FTO: variants seen among roughly 807,000 people sequenced by gnomAD.
FTO encodes FTO alpha-ketoglutarate dependent dioxygenase.
Under a neutral mutation model 63.9 loss-of-function variants are expected in FTO, and 47 were observed. The ratio of observed to expected loss-of-function variants is 0.74; its 90% CI spans 0.58 to 0.94. The LOEUF (loss-of-function observed/expected upper bound fraction) is 0.94, where lower values mean the gene tolerates loss of function less well. FTO is among the 40% of genes least tolerant of loss of function. The pLI is 0.00. For synonymous variants in FTO, 207 were observed against 224.4 expected (o/e 0.92, Z 0.69); for missense variants, 562 against 618.1 (o/e 0.91, Z 0.96).
At position 53,869,534 on chromosome 16, in the gene FTO, T is replaced by C. The variant is rs1360261562; in HGVS notation, c.896-4252T>C. Among the ~76,000 whole-genome samples the C allele has an allele frequency of 2.2e-5, 3 of 139,200 alleles. No homozygotes were observed. In the Admixed American group the frequency reaches 2.3e-4, roughly 11 times the overall value. 91.3% of individuals were successfully genotyped at this position (139,200 alleles called of 152,430 possible). A position where few individuals can be genotyped will look rare whatever the true frequency, so the allele number is the denominator to read the frequency against. ...TATTACACCTATTGCAGTTGTCCCATAGTTCTGTTTTTTTTTTTTTTTCAG... is the reference window on the plus strand; with the variant it reads ...TATTACACCTATTGCAGTTGTCCCACAGTTCTGTTTTTTTTTTTTTTTCAG... On this transcript the variant is annotated intron_variant, in intron 4 of 8. Coordinates refer to ENST00000471389, the MANE Select transcript of FTO (RefSeq NM_001080432.3).
At chr16:53,790,579 C>CAAAAAAAAAAAAAAAAAAAAAAAA (rs34860208) in intron 1 of FTO, among the ~76,000 whole-genome samples, 1 of 55,224 alleles carries the variant, frequency 1.8e-5, no homozygotes, top group Admixed American at 2.3e-4. Context: ...CAAAATAAAG[C>CAAAAAAAAAAAAAAAAAAAAAAAA]AAAAAAAAAA....
chr16:53,879,829 G>A lies in FTO; in HGVS notation c.976-15G>A. On this transcript the variant is annotated splice_polypyrimidine_tract_variant and intron_variant, in intron 5 of 8. Coordinates refer to ENST00000471389, the MANE Select transcript of FTO (RefSeq NM_001080432.3). Reference sequence around the variant, plus strand: ...ATTTTGCCCATAATTGTGATTGCTGGTTCTGTCTCAACAGTGCTCAACAGG... The same window carrying A: ...ATTTTGCCCATAATTGTGATTGCTGATTCTGTCTCAACAGTGCTCAACAGG... 1 of 1,613,608 alleles carries A rather than the reference G, an allele frequency of 6.2e-7. No individual in the cohort carries two copies.
At chr16:53,947,417 A>G (rs961606352) in intron 8 of FTO, among the ~76,000 whole-genome samples, 13 of 152,192 alleles carry the variant, frequency 8.5e-5, no homozygotes, top group African/African-American at 2.7e-4. Context: ...TGTGAGATAG[A>G]TAACTCTATA....
chr16:54,058,819 T>A (rs1162016392), intron 8 of FTO, among the ~76,000 whole-genome samples: 2 of 152,096 alleles, frequency 1.3e-5, no homozygotes, highest in African/African-American at 2.4e-5. Flanking sequence ...CTTTAAAAAA[T>A]AAATAAATAA....
intron 7 of FTO, among the ~76,000 whole-genome samples, chr16:53,931,871 A>AACACACACACACACACAC (rs35135177): frequency 1.4e-5 from 2 of 145,688 alleles, no homozygotes; most frequent in South Asian, 2.2e-4. Context: ...TTTTACATTA[A>AACACACACACACACACAC]ACACACACAC....
chr16:53,827,924 G>A (rs2079052235), intron 3 of FTO, among the ~76,000 whole-genome samples: 1 of 152,212 alleles, frequency 6.6e-6, no homozygotes, highest in Non-Finnish European at 1.5e-5. Context: ...GCAGTGGTAT[G>A]TGATAGTACA....
At chr16:53,815,188 A>G (rs921511726) in intron 2 of FTO, among the ~76,000 whole-genome samples, 1 of 152,136 alleles carries the variant, frequency 6.6e-6, no homozygotes, top group Non-Finnish European at 1.5e-5. Flanking sequence ...AGGAGGCATG[A>G]GAAGGCTTGG....
intron 1 of FTO, among the ~76,000 whole-genome samples, chr16:53,713,459 C>G (rs532080628): frequency 6.6e-6 from 1 of 152,158 alleles, no homozygotes; most frequent in East Asian, 1.9e-4. Context: ...TAGAGTTCTG[C>G]TAAGCACATT....
chr16:53,837,039 C>T (rs962120019), intron 3 of FTO, among the ~76,000 whole-genome samples: 2 of 152,192 alleles, frequency 1.3e-5, no homozygotes, highest in Non-Finnish European at 2.9e-5. Flanking sequence ...CCTGAGGTTA[C>T]CCAAGGAATT....
chr16:53,704,295 G>C, intron 1 of FTO, 66 bp downstream of exon 1: 1 of 1,498,652 alleles, frequency 6.7e-7, no homozygotes, highest in Admixed American at 2.0e-5. Flanking sequence ...GAACCGGAAG[G>C]GCTTGGTTTG....
At chr16:53,749,181 G>A (rs1375069174) in intron 1 of FTO, among the ~76,000 whole-genome samples, 1 of 152,156 alleles carries the variant, frequency 6.6e-6, no homozygotes, top group Non-Finnish European at 1.5e-5. Context: ...CAGCTTAATT[G>A]TATTCATTTA....
intron 8 of FTO, among the ~76,000 whole-genome samples, chr16:54,018,405 GATAGATAC>G (rs2084505427): frequency 1.5e-5 from 2 of 137,224 alleles, no homozygotes; most frequent in Non-Finnish European, 3.1e-5. Context: ...TAGATAGATA[GATAGATAC>G]ATACATACAT....
At chr16:53,877,020 A>G (rs553066690) in intron 5 of FTO, among the ~76,000 whole-genome samples, 2 of 152,354 alleles carry the variant, frequency 1.3e-5, no homozygotes, top group South Asian at 2.1e-4. Flanking sequence ...AATCAAAACC[A>G]CGACGGGATA....
intron 7 of FTO, among the ~76,000 whole-genome samples, chr16:53,930,368 C>T (rs989381770): frequency 1.3e-5 from 2 of 151,080 alleles, no homozygotes; most frequent in African/African-American, 2.4e-5. Context: ...GGACTACGGG[C>T]ACCTGCCACC....
intron 1 of FTO, among the ~76,000 whole-genome samples, chr16:53,800,736 G>T (rs2078198128): frequency 6.6e-6 from 1 of 150,806 alleles, no homozygotes; most frequent in Non-Finnish European, 1.5e-5. Context: ...TTTTTCTCTT[G>T]TAATATTTTT....
At position 54,118,627 on chromosome 16, in the gene FTO, A is replaced by T. The variant is rs761586984; in HGVS notation, c.*6712A>T. 12 of 152,258 alleles carry T rather than the reference A, an allele frequency of 7.9e-5. No individual in the cohort carries two copies. Among genetic ancestry groups the T allele is most frequent in the Non-Finnish European group, 1.3e-4 (9 of 68,108 alleles). The allele number at this position is 152,258 out of a possible 1,614,324, so 9.4% of individuals were successfully genotyped here. ...ATCGGCCTCCCAAAGCGCTGAGATT[A>T]CAAGCGTGAGCCACTACGCCTTGCC... On this transcript the variant is annotated 3_prime_UTR_variant, in exon 9 of 9. Coordinates refer to ENST00000471389, the MANE Select transcript of FTO (RefSeq NM_001080432.3).
chr16:53,707,546 T>C (rs2075657787), intron 1 of FTO, among the ~76,000 whole-genome samples: 1 of 152,238 alleles, frequency 6.6e-6, no homozygotes, highest in Non-Finnish European at 1.5e-5. Flanking sequence ...TTTACATTCC[T>C]ACCAACTGTT....
intron 1 of FTO, among the ~76,000 whole-genome samples, chr16:53,761,668 G>A (rs2077074400): frequency 6.6e-6 from 1 of 151,996 alleles, no homozygotes; most frequent in African/African-American, 2.4e-5. Context: ...AAATACTGTG[G>A]CCCTGGGAGA....
intron 8 of FTO, among the ~76,000 whole-genome samples, chr16:54,067,289 A>T (rs1437587347): frequency 6.6e-6 from 1 of 152,216 alleles, no homozygotes; most frequent in Non-Finnish European, 1.5e-5. Flanking sequence ...GCCAACATGA[A>T]CAGGTTGAAT....
Sources: allele counts gnomAD v4.1 joint callset (sites outside exome capture counted in the v4.1 genomes callset), GRCh38; gene constraint gnomAD v4.1.1; transcripts MANE v1.5; gene names NCBI Gene and HGNC (gene_info 2026-07-23, HGNC 2026-07-21).